The following PNPLA7 variants were observed in gnomAD, a reference collection of about 807,000 sequenced individuals.
The protein encoded by PNPLA7 is patatin like domain 7, lysophospholipase, also known as patatin-like phospholipase domain-containing protein 7.
Under a neutral mutation model 161.7 loss-of-function variants are expected in PNPLA7, and 153 were observed. The ratio of observed to expected loss-of-function variants is 0.95; its 90% CI spans 0.83 to 1.08. The LOEUF is 1.08. Ranked by LOEUF, PNPLA7 falls within the 50% of genes least tolerant of loss-of-function variation. The probability of loss-of-function intolerance (pLI) is 0.00; values close to 1 mark genes in which losing one functional copy is unlikely to be tolerated. For synonymous variants in PNPLA7, 809 were observed against 782.1 expected (o/e 1.03, Z -0.57); for missense variants, 1,739 against 1,856.6 (o/e 0.94, Z 1.16).
intron 4 of PNPLA7, among the ~76,000 whole-genome samples, chr9:137,546,216 C>T (rs536154357): frequency 3.9e-5 from 6 of 152,262 alleles, no homozygotes; most frequent in East Asian, 1.9e-4. Flanking sequence ...CTCTCTGTCT[C>T]GGCTGCCAGG....
intron 12 of PNPLA7, 119 bp downstream of exon 12, chr9:137,515,260 G>T: frequency 7.5e-7 from 1 of 1,340,394 alleles, no homozygotes; most frequent in Non-Finnish European, 1.0e-6. Context: ...GGCACGTGGG[G>T]CTCTAGTGGA....
intron 7 of PNPLA7, among the ~76,000 whole-genome samples, chr9:137,542,364 G>C (rs558295285): frequency 1.3e-5 from 2 of 152,230 alleles, no homozygotes; most frequent in African/African-American, 4.8e-5. Flanking sequence ...CCAGCTACTC[G>C]AGAGGCTGAG....
rs1173834923 is a variant in PNPLA7, at chr9:137,547,522, G to C, written c.105+63C>G. ...AGGAATGAGCCAGGGGATGGGGACA[G>C]GGAGAGGTGAAAAAGGCCACGGCCC... On this transcript the variant is annotated intron_variant, in intron 2 of 34. Coordinates refer to ENST00000406427, the MANE Select transcript of PNPLA7 (RefSeq NM_001098537.3). The surrounding 1 kb of genome is among the most constrained non-coding windows in gnomAD (Gnocchi z 4.6). 6.3e-7 allele frequency: 1 copy of C among 1,598,534 alleles called. No homozygotes were observed.
chr9:137,512,647 AAAC>A (rs1469931767), intron 12 of PNPLA7, among the ~76,000 whole-genome samples: 2 of 152,238 alleles, frequency 1.3e-5, no homozygotes, highest in South Asian at 2.1e-4. Flanking sequence ...GTTAATAAAC[AAAC>A]AACAACTGGG....
chr9:137,472,467 A>G (rs182669505), intron 25 of PNPLA7, among the ~76,000 whole-genome samples: 2 of 151,538 alleles, frequency 1.3e-5, no homozygotes, highest in Non-Finnish European at 2.9e-5. Flanking sequence ...CCTGGCCAAC[A>G]TGGTGAAACC....
chr9:137,549,392 A>G (rs187659299), intron 1 of PNPLA7, among the ~76,000 whole-genome samples: 1 of 151,740 alleles, frequency 6.6e-6, no homozygotes, highest in Non-Finnish European at 1.5e-5. Context: ...ACAGTGAAAC[A>G]CCGTCTCTAC....
rs746926259 is a variant in PNPLA7, at chr9:137,478,126, C to T, written c.2790G>A (p.Gln930=). The T allele has an allele frequency of 2.2e-6, 3 of 1,348,474 alleles. No homozygotes were observed. Among genetic ancestry groups the T allele is most frequent in the East Asian group, 3.1e-5 (1 of 32,410 alleles). 83.5% of individuals were successfully genotyped at this position (1,348,474 alleles called of 1,614,324 possible). Residue 930 remains glutamine, a synonymous_variant, in exon 25 of 35, where the codon CAG becomes CAA. Transcript: ENST00000406427. ...KLVEMYKHVF[Q]RPPDRHSDFS... is the part of the protein sequence containing the mutation. ...AGTCTGAGTGTCGGTCCGGGGGCCG[C>T]TGGAAGACATGCTTGTACATCTCCA...
intron 20 of PNPLA7, among the ~76,000 whole-genome samples, 200 bp downstream of exon 20, chr9:137,492,813 G>T (rs2132228358): frequency 6.8e-6 from 1 of 146,570 alleles, no homozygotes; most frequent in Non-Finnish European, 1.5e-5. Flanking sequence ...GGCTGGGTGG[G>T]CTACGGCTCT....
intron 25 of PNPLA7, among the ~76,000 whole-genome samples, chr9:137,477,736 C>T (rs1832007253): frequency 6.6e-6 from 1 of 152,248 alleles, no homozygotes; most frequent in South Asian, 2.1e-4. Flanking sequence ...ACCCACGCGC[C>T]CGGCCCAAGC....
At chr9:137,475,481 TCTCCTGCCTCAGC>T (rs1831907007) in intron 25 of PNPLA7, among the ~76,000 whole-genome samples, 3 of 152,152 alleles carry the variant, frequency 2.0e-5, no homozygotes, top group Admixed American at 1.3e-4. Flanking sequence ...TTCACGCCAT[TCTCCTGCCTCAGC>T]CTCCTGAGTA....
At chr9:137,461,078 C>T (rs996404269) in intron 33 of PNPLA7, 8 of 355,016 alleles carry the variant, frequency 2.3e-5, no homozygotes, top group South Asian at 1.3e-4. Context: ...TCTCGGCCTG[C>T]GGCAGCCATG....
intron 18 of PNPLA7, among the ~76,000 whole-genome samples, chr9:137,495,589 G>GCA (rs1833012261): frequency 4.6e-5 from 7 of 152,056 alleles, no homozygotes; most frequent in African/African-American, 1.7e-4. Flanking sequence ...GACCACAGAT[G>GCA]CCCACCACCA....
chr9:137,462,512 C>T (rs942614091), intron 30 of PNPLA7, 173 bp downstream of exon 30: 4 of 1,379,100 alleles, frequency 2.9e-6, no homozygotes, highest in Admixed American at 2.7e-5. Context: ...CAGGCCCGTC[C>T]GGCCTCGTGC....
chr9:137,465,975 C>A (rs984946969), intron 26 of PNPLA7, among the ~76,000 whole-genome samples: 1 of 152,156 alleles, frequency 6.6e-6, no homozygotes, highest in Non-Finnish European at 1.5e-5. Flanking sequence ...TTCTGGAATC[C>A]ATTTATCACA....
chr9:137,515,610 C>G lies in PNPLA7; in HGVS notation c.1085-91G>C, dbSNP rs562299972. ...TCGGGGCCACGCAGGGAGCAGGGTC[C>G]CCACAGTGCCCTGCGCACCTGAACG... On this transcript the variant is annotated intron_variant, in intron 11 of 34. Coordinates refer to ENST00000406427, the MANE Select transcript of PNPLA7 (RefSeq NM_001098537.3). 201 of 1,409,904 alleles carry G rather than the reference C, an allele frequency of 1.4e-4. 2 individuals carry two copies. The South Asian group carries it at 2.9e-3, about 20-fold the overall frequency. The allele number at this position is 1,409,904 out of a possible 1,614,324, so 87.3% of individuals were successfully genotyped here. A position where few individuals can be genotyped will look rare whatever the true frequency, so the allele number is the denominator to read the frequency against.
intron 25 of PNPLA7, among the ~76,000 whole-genome samples, chr9:137,474,511 G>A (rs1245178085): frequency 4.6e-5 from 7 of 152,188 alleles, no homozygotes; most frequent in Admixed American, 4.6e-4. Context: ...AGCATTCTCA[G>A]GAGCGCGAGG....
intron 14 of PNPLA7, among the ~76,000 whole-genome samples, chr9:137,503,932 G>A (rs1833728344): frequency 2.9e-5 from 1 of 34,524 alleles, no homozygotes; most frequent in Non-Finnish European, 5.8e-5. Flanking sequence ...GAAGAAGGAA[G>A]AAGAAGAAGG....
chr9:137,498,316 C>G, intron 16 of PNPLA7, 71 bp from the exon 17 acceptor site: 1 of 1,580,730 alleles, frequency 6.3e-7, no homozygotes, highest in South Asian at 1.1e-5. Flanking sequence ...CCGCAGTGCT[C>G]GGGAATGGAT....
At chr9:137,511,616 C>T (rs1021236351) in intron 12 of PNPLA7, among the ~76,000 whole-genome samples, 2 of 152,178 alleles carry the variant, frequency 1.3e-5, no homozygotes, top group African/African-American at 2.4e-5. Flanking sequence ...GGAGAGTTAG[C>T]GAGCACTCTG....
Sources: gnomAD v4.1 joint callset for allele counts (sites outside exome capture counted in the v4.1 genomes callset) on GRCh38, gnomAD v4.1.1 for gene constraint, Gnocchi (gnomAD v3.1) non-coding constraint, MANE v1.5 for transcripts, NCBI Gene and HGNC (gene_info 2026-07-23, HGNC 2026-07-21) for gene names.